The following LNX1 variants were observed in gnomAD, a reference collection of about 807,000 sequenced individuals.
LNX1 encodes E3 ubiquitin-protein ligase LNX.
LNX1 carries 54 observed loss-of-function variants against 68.4 expected under a neutral mutation model. The observed-to-expected ratio is 0.79, with a 90% CI of 0.63 to 0.99. The LOEUF is 0.99. LNX1 is among the 50% of genes least tolerant of loss of function. The probability of loss-of-function intolerance (pLI) is 0.00; values close to 1 mark genes in which losing one functional copy is unlikely to be tolerated. For synonymous variants in LNX1, 336 were observed against 350.0 expected (o/e 0.96, Z 0.45); for missense variants, 906 against 926.4 (o/e 0.98, Z 0.29).
At chr4:53,470,907 C>G (rs77541461) in intron 9 of LNX1, among the ~76,000 whole-genome samples, 85,321 of 151,406 alleles carry the variant, frequency 0.56, 25,634 homozygotes, top group Non-Finnish European at 0.67. Context: ...TGAAAATGGG[C>G]ATACTGCCCA....
chr4:53,605,199 C>A (rs910866937), intron 2 of LNX1, among the ~76,000 whole-genome samples: 3 of 152,084 alleles, frequency 2.0e-5, no homozygotes, highest in African/African-American at 7.2e-5. Flanking sequence ...CATTGAAGAG[C>A]ATGTGGAATG....
intron 6 of LNX1, among the ~76,000 whole-genome samples, chr4:53,485,942 G>T (rs1200653108): frequency 6.6e-6 from 1 of 152,212 alleles, no homozygotes; most frequent in African/African-American, 2.4e-5. Context: ...CTGCAAGAAA[G>T]AGGTAAGACA....
At chr4:53,580,749 T>G (rs549858799) in intron 1 of LNX1, among the ~76,000 whole-genome samples, 1 of 152,350 alleles carries the variant, frequency 6.6e-6, no homozygotes, top group East Asian at 1.9e-4. Context: ...GGCTAAATAG[T>G]TCAGTACTGG....
chr4:53,487,961 C>T (rs1724427222), intron 6 of LNX1, among the ~76,000 whole-genome samples: 1 of 152,184 alleles, frequency 6.6e-6, no homozygotes, highest in Non-Finnish European at 1.5e-5. Context: ...AGAATCCCTT[C>T]CAGCAACTGT....
chr4:53,630,563 G>C (rs1020965247), intron 1 of LNX1, among the ~76,000 whole-genome samples: 10 of 152,078 alleles, frequency 6.6e-5, no homozygotes, highest in African/African-American at 1.9e-4. Context: ...GTGCCGCCTG[G>C]TGTTCCTAAG....
intron 2 of LNX1, among the ~76,000 whole-genome samples, chr4:53,548,937 T>C (rs974718035): frequency 6.6e-6 from 1 of 152,092 alleles, no homozygotes; most frequent in African/African-American, 2.4e-5. Context: ...GAAAACCAAA[T>C]GCTGCATATC....
chr4:53,520,106 T>C (rs996436070), intron 2 of LNX1, among the ~76,000 whole-genome samples: 5 of 152,204 alleles, frequency 3.3e-5, no homozygotes, highest in Non-Finnish European at 1.5e-5. Context: ...CTTTGTGGTT[T>C]CAGGTACCTC....
At chr4:53,642,571 C>T (rs1260105364) in intron 1 of LNX1, among the ~76,000 whole-genome samples, 1 of 152,088 alleles carries the variant, frequency 6.6e-6, no homozygotes, top group East Asian at 1.9e-4. Context: ...TCTTTATATG[C>T]TTGGGGTCAA....
chr4:53,577,687 T>C (rs1251759385), intron 1 of LNX1, among the ~76,000 whole-genome samples: 4 of 152,042 alleles, frequency 2.6e-5, no homozygotes, highest in Non-Finnish European at 5.9e-5. Context: ...AGTTCTAGGG[T>C]TACAGATGTG....
intron 2 of LNX1, among the ~76,000 whole-genome samples, chr4:53,516,650 G>A (rs1044938335): frequency 6.6e-6 from 1 of 152,174 alleles, no homozygotes. Context: ...GGTAGATTCT[G>A]GGCAGGTTTT....
chr4:53,608,708 C>T (rs1733328272), intron 2 of LNX1, among the ~76,000 whole-genome samples: 1 of 152,036 alleles, frequency 6.6e-6, no homozygotes, highest in South Asian at 2.1e-4. Flanking sequence ...AAGGAAACAA[C>T]CTAAATGCCC....
At chr4:53,514,672 C>T (rs1487898707) in intron 2 of LNX1, among the ~76,000 whole-genome samples, 2 of 151,904 alleles carry the variant, frequency 1.3e-5, no homozygotes, top group South Asian at 2.1e-4. Context: ...ACAGTCAAAC[C>T]ATATCAGGGG....
intron 2 of LNX1, among the ~76,000 whole-genome samples, chr4:53,545,688 G>A (rs1180212120): frequency 6.6e-5 from 10 of 152,044 alleles, no homozygotes; most frequent in Non-Finnish European, 1.5e-4. Context: ...TGAGGTAGGT[G>A]CCATCATTAA....
intron 1 of LNX1, among the ~76,000 whole-genome samples, chr4:53,633,529 G>A (rs1289409145): frequency 6.6e-6 from 1 of 152,162 alleles, no homozygotes; most frequent in Non-Finnish European, 1.5e-5. Flanking sequence ...GGCCAGGGAA[G>A]CTGCCATGAG....
intron 6 of LNX1, among the ~76,000 whole-genome samples, chr4:53,492,422 C>T (rs912914903): frequency 6.6e-6 from 1 of 150,708 alleles, no homozygotes; most frequent in African/African-American, 2.4e-5. Context: ...GGAGAGAGAA[C>T]AGGCCACAAG....
intron 2 of LNX1, among the ~76,000 whole-genome samples, chr4:53,557,585 A>G (rs554215815): frequency 1.3e-5 from 2 of 151,960 alleles, no homozygotes; most frequent in African/African-American, 2.4e-5. Flanking sequence ...AAGGAAGAGA[A>G]GTTACATCTA....
chr4:53,496,784 A>G (rs1273559494), intron 5 of LNX1, among the ~76,000 whole-genome samples: 2 of 152,230 alleles, frequency 1.3e-5, no homozygotes, highest in African/African-American at 2.4e-5. Context: ...TGATTGCATT[A>G]AACAGCTCTT....
intron 2 of LNX1, among the ~76,000 whole-genome samples, chr4:53,567,110 C>G (rs1351765760): frequency 1.4e-5 from 2 of 140,676 alleles, no homozygotes; most frequent in African/African-American, 5.3e-5. Flanking sequence ...AACAAGGATA[C>G]CCAGGAATTG....
intron 9 of LNX1, 76 bp downstream of exon 9, chr4:53,476,677 A>G: frequency 8.1e-7 from 1 of 1,227,468 alleles, no homozygotes; most frequent in Non-Finnish European, 1.2e-6. Flanking sequence ...AATCAGCCCT[A>G]GAGAGTGAAA....
Sources: allele counts gnomAD v4.1 joint callset (sites outside exome capture counted in the v4.1 genomes callset), GRCh38; gene constraint gnomAD v4.1.1; transcripts MANE v1.5; gene names NCBI Gene and HGNC (gene_info 2026-07-23, HGNC 2026-07-21).